The following EPHA6 variants were observed in gnomAD, a reference collection of about 807,000 sequenced individuals.
EPHA6 encodes the protein ephrin type-A receptor 6.
A neutral mutation model predicts 112.0 loss-of-function variants in EPHA6; 50 were observed. The observed-to-expected ratio is 0.45, with a 90% CI of 0.36 to 0.56. The LOEUF is 0.56. Among genes scored for constraint, EPHA6 ranks in the 20% least tolerant of loss-of-function variants. The pLI is 0.00. For missense variants in EPHA6, 1,280 were observed against 1,417.4 expected, an observed-to-expected ratio of 0.90 and a Z score of 1.56; for synonymous variants, 529 against 490.7, an observed-to-expected ratio of 1.08 and a Z score of -1.03.
intron 3 of EPHA6, among the ~76,000 whole-genome samples, chr3:97,008,083 T>C (rs1173434836): frequency 6.6e-6 from 1 of 152,200 alleles, no homozygotes; most frequent in Non-Finnish European, 1.5e-5. Context: ...TTATGTGTCT[T>C]GCAGATTATG....
chr3:97,074,058 T>TA (rs144613773), intron 3 of EPHA6, among the ~76,000 whole-genome samples: 13,086 of 152,042 alleles, frequency 0.086, 898 homozygotes, highest in Admixed American at 0.21. Context: ...TGAAGCATAC[T>TA]GTAAATGTAT....
chr3:96,877,283 T>C (rs1329233760), intron 2 of EPHA6, among the ~76,000 whole-genome samples: 1 of 152,116 alleles, frequency 6.6e-6, no homozygotes, highest in Non-Finnish European at 1.5e-5. Context: ...CTCTCATTTT[T>C]TGTATTTTAG....
chr3:97,535,262 T>C (rs2317420), intron 11 of EPHA6, among the ~76,000 whole-genome samples: 1 of 113,912 alleles, frequency 8.8e-6, no homozygotes, highest in Non-Finnish European at 2.0e-5. Context: ...TGACCTCTAC[T>C]TAGCCACATT....
intron 2 of EPHA6, among the ~76,000 whole-genome samples, chr3:96,979,431 T>G (rs2042666117): frequency 6.6e-6 from 1 of 152,190 alleles, no homozygotes; most frequent in Non-Finnish European, 1.5e-5. Flanking sequence ...GTGCCACATT[T>G]TCTTAATCCA....
chr3:97,756,246 T>C lies in EPHA6; in HGVS notation c.*7545T>C, dbSNP rs949708970. ...GTCTTCAGAATAAGTCTGCTCAAAA[T>C]TGTAGCCTTTAGAAGCTCTATAACA... On this transcript the variant is annotated 3_prime_UTR_variant, in exon 18 of 18. Transcript: ENST00000389672. 1.1e-4 allele frequency among the ~76,000 whole-genome samples: 17 copies of C among 152,000 alleles called. No individual in the cohort carries two copies. The highest frequency in any genetic ancestry group is 4.1e-4 in the African/African-American group (17 of 41,460).
intron 3 of EPHA6, among the ~76,000 whole-genome samples, chr3:97,221,950 A>T (rs1430711102): frequency 6.6e-6 from 1 of 151,244 alleles, no homozygotes. Flanking sequence ...GAATTGCTTG[A>T]TCTGGGTGCA....
chr3:97,751,613 C>A lies in EPHA6; in HGVS notation c.*2912C>A, dbSNP rs1214997943. Among the ~76,000 whole-genome samples the A allele has an allele frequency of 6.6e-6, 1 of 151,902 alleles. No individual in the cohort carries two copies. Among genetic ancestry groups the A allele is most frequent in the African/African-American group, 2.4e-5 (1 of 41,372 alleles). The stretch of plus-strand genomic sequence containing the variant: ...TTCAGGAATATAAACAGTTAAAATG[C>A]CAAATTCATCTGAAAATTTTACATG... On this transcript the variant is annotated 3_prime_UTR_variant, in exon 18 of 18. Coordinates refer to ENST00000389672, the MANE Select transcript of EPHA6 (RefSeq NM_001080448.3).
intron 10 of EPHA6, among the ~76,000 whole-genome samples, chr3:97,511,219 G>A (rs1045655501): frequency 1.5e-5 from 2 of 133,848 alleles, no homozygotes; most frequent in African/African-American, 7.7e-5. Context: ...GGTGCCACTG[G>A]GGTATGAAAA....
chr3:97,297,505 G>A (rs549143730), intron 5 of EPHA6, among the ~76,000 whole-genome samples: 1 of 151,952 alleles, frequency 6.6e-6, no homozygotes, highest in Admixed American at 6.6e-5. Flanking sequence ...TTTGCTTATG[G>A]TGATTGTGTA....
chr3:96,977,979 C>T (rs1286244063), intron 2 of EPHA6, among the ~76,000 whole-genome samples: 2 of 151,904 alleles, frequency 1.3e-5, no homozygotes, highest in African/African-American at 4.8e-5. Flanking sequence ...GGCAACATGG[C>T]AAAATCCCAT....
intron 3 of EPHA6, among the ~76,000 whole-genome samples, chr3:97,105,047 G>C: frequency 6.6e-6 from 1 of 150,396 alleles, no homozygotes; most frequent in Non-Finnish European, 1.5e-5. Flanking sequence ...TTCTTTACTA[G>C]TCTAGCTAGC....
chr3:97,542,731 T>C (rs1039786110), intron 11 of EPHA6, among the ~76,000 whole-genome samples: 4 of 152,220 alleles, frequency 2.6e-5, no homozygotes, highest in Admixed American at 1.3e-4. Flanking sequence ...AGTATTCCTA[T>C]TTCTCCACAT....
intron 2 of EPHA6, among the ~76,000 whole-genome samples, chr3:96,927,339 G>T (rs1249620031): frequency 6.6e-6 from 1 of 152,162 alleles, no homozygotes. Flanking sequence ...AAGGTCTCTG[G>T]CATGCCCTGG....
intron 14 of EPHA6, among the ~76,000 whole-genome samples, chr3:97,650,758 G>A (rs1291237117): frequency 6.6e-6 from 1 of 150,872 alleles, no homozygotes; most frequent in East Asian, 2.0e-4. Flanking sequence ...TTAAGAGGCT[G>A]AGGCAGGAGA....
chr3:96,962,879 A>G (rs2041995259), intron 2 of EPHA6, among the ~76,000 whole-genome samples: 1 of 152,184 alleles, frequency 6.6e-6, no homozygotes, highest in East Asian at 1.9e-4. Context: ...CATTTCAGGC[A>G]CGGTGGCTCA....
intron 11 of EPHA6, among the ~76,000 whole-genome samples, chr3:97,592,145 A>G (rs977206045): frequency 2.6e-5 from 4 of 152,212 alleles, no homozygotes; most frequent in Non-Finnish European, 1.5e-5. Context: ...TAATTACTGC[A>G]TGATGTAAAA....
chr3:97,461,421 C>T (rs1577475947), intron 7 of EPHA6, among the ~76,000 whole-genome samples: 1 of 152,206 alleles, frequency 6.6e-6, no homozygotes, highest in East Asian at 1.9e-4. Flanking sequence ...TATAAGGATA[C>T]CACCTACTTT....
chr3:97,591,345 GT>G, intron 11 of EPHA6, among the ~76,000 whole-genome samples: 1 of 152,212 alleles, frequency 6.6e-6, no homozygotes, highest in African/African-American at 2.4e-5. Context: ...TCTGACCCAA[GT>G]TCAAAGAAGC....
intron 5 of EPHA6, among the ~76,000 whole-genome samples, chr3:97,281,858 G>T (rs567784089): frequency 6.6e-6 from 1 of 152,182 alleles, no homozygotes; most frequent in African/African-American, 2.4e-5. Context: ...TTTAAATTTG[G>T]TTGAATTTTT....
Sources: gnomAD v4.1 joint callset for allele counts (sites outside exome capture counted in the v4.1 genomes callset) on GRCh38, gnomAD v4.1.1 for gene constraint, MANE v1.5 for transcripts, NCBI Gene and HGNC (gene_info 2026-07-23, HGNC 2026-07-21) for gene names.